Variants in BCKDHB observed in about 807,000 individuals in gnomAD.
BCKDHB encodes branched chain keto acid dehydrogenase E1 subunit beta.
A neutral mutation model predicts 48.5 loss-of-function variants in BCKDHB; 41 were observed. The observed-to-expected ratio is 0.85, with a 90% confidence interval of 0.66 to 1.10. The LOEUF (loss-of-function observed/expected upper bound fraction) is 1.10, where lower values mean the gene tolerates loss of function less well. Ranked by LOEUF, BCKDHB falls within the 50% of genes least tolerant of loss-of-function variation. BCKDHB has a pLI of 0.00. For synonymous variants in BCKDHB, 201 were observed against 174.8 expected, an observed-to-expected ratio of 1.15 and a Z score of -1.18; for missense variants, 496 against 494.2, an observed-to-expected ratio of 1.00 and a Z score of -0.03.
chr6:80,232,309 G>C (rs76102095), intron 8 of BCKDHB, among the ~76,000 whole-genome samples: 49,507 of 150,908 alleles, frequency 0.33, 8,711 homozygotes, highest in Non-Finnish European at 0.41. Flanking sequence ...CTTCTGATTG[G>C]GAAACCAGAG....
At chr6:80,423,509 C>T in the BCKDHB span, among the ~76,000 whole-genome samples, 1 of 152,166 alleles carries the variant, frequency 6.6e-6, no homozygotes, top group East Asian at 1.9e-4. Context: ...TTCCCCCTTC[C>T]CCACCCATTG....
intron 8 of BCKDHB, among the ~76,000 whole-genome samples, chr6:80,232,940 A>G (rs1775995544): frequency 6.6e-6 from 1 of 151,974 alleles, no homozygotes. Context: ...GTGAATGCAT[A>G]ATTTGCATAG....
intron 9 of BCKDHB, among the ~76,000 whole-genome samples, chr6:80,287,394 T>A (rs2127980863): frequency 6.6e-6 from 1 of 150,724 alleles, no homozygotes; most frequent in Non-Finnish European, 1.5e-5. Context: ...TTTTTCTAAA[T>A]CAAATTTAGG....
intron 9 of BCKDHB, among the ~76,000 whole-genome samples, chr6:80,319,737 T>C (rs1768618522): frequency 6.6e-6 from 1 of 152,244 alleles, no homozygotes; most frequent in African/African-American, 2.4e-5. Flanking sequence ...TGTTCTCTTC[T>C]GTAAATTATG....
intron 8 of BCKDHB, among the ~76,000 whole-genome samples, chr6:80,242,936 C>T (rs1431975477): frequency 6.6e-6 from 1 of 152,138 alleles, no homozygotes; most frequent in Non-Finnish European, 1.5e-5. Flanking sequence ...GTTCAGATTG[C>T]CATCAGTAGG....
rs531372322 is a variant in BCKDHB, at chr6:80,310,174, T to A, written c.1039-33490T>A. Reference sequence around the variant, plus strand: ...CATAGGTAAACATCTGTCCTGGTGGTTTGCTACACAGATCATCCCATCACC... The same window carrying A: ...CATAGGTAAACATCTGTCCTGGTGGATTGCTACACAGATCATCCCATCACC... On this transcript the variant is annotated intron_variant, in intron 9 of 9. Transcript: ENST00000320393. Among the ~76,000 whole-genome samples the A allele has an allele frequency of 4.6e-5, 7 of 152,246 alleles. 1 individual carries two copies. The South Asian group carries it at 1.5e-3, about 32-fold the overall frequency.
intron 6 of BCKDHB, among the ~76,000 whole-genome samples, chr6:80,173,036 G>C (rs948802939): frequency 6.6e-6 from 1 of 152,104 alleles, no homozygotes; most frequent in Admixed American, 6.6e-5. Context: ...ATGCCAGCCA[G>C]CTGTTATAGC....
At chr6:80,436,282 C>T in the BCKDHB span, among the ~76,000 whole-genome samples, 6 of 150,520 alleles carry the variant, frequency 4.0e-5, no homozygotes, top group African/African-American at 7.3e-5. Flanking sequence ...TCTCAGCCTC[C>T]GGAGTAGCTG....
At chr6:80,142,553 CAT>C (rs1457146047) in intron 3 of BCKDHB, among the ~76,000 whole-genome samples, 2 of 151,990 alleles carry the variant, frequency 1.3e-5, no homozygotes, top group South Asian at 4.1e-4. Context: ...GGAATAAAAA[CAT>C]ATAAAAATAA....
At chr6:80,408,690 A>G in the BCKDHB span, among the ~76,000 whole-genome samples, 1 of 149,412 alleles carries the variant, frequency 6.7e-6, no homozygotes, top group Non-Finnish European at 1.5e-5. Flanking sequence ...TTTCTGTGGG[A>G]TTGGTGGTGA....
intron 7 of BCKDHB, among the ~76,000 whole-genome samples, 187 bp from the exon 8 acceptor site, chr6:80,202,915 G>A (rs1386166571): frequency 2.0e-5 from 3 of 151,836 alleles, no homozygotes; most frequent in Admixed American, 6.6e-5. Context: ...CTGTTTTCTA[G>A]ACATCTATAC....
At chr6:80,156,315 A>G (rs753186999) in intron 3 of BCKDHB, among the ~76,000 whole-genome samples, 1 of 152,022 alleles carries the variant, frequency 6.6e-6, no homozygotes, top group Non-Finnish European at 1.5e-5. Flanking sequence ...GTGAAGGCCA[A>G]CTACTTCATA....
intron 9 of BCKDHB, among the ~76,000 whole-genome samples, chr6:80,313,727 T>A (rs955765363): frequency 1.3e-5 from 2 of 152,188 alleles, no homozygotes; most frequent in Admixed American, 1.3e-4. Context: ...TTGTTGATGT[T>A]TTGAAGGGTT....
intron 6 of BCKDHB, among the ~76,000 whole-genome samples, chr6:80,182,828 A>C (rs903607698): frequency 6.6e-6 from 1 of 152,156 alleles, no homozygotes; most frequent in Non-Finnish European, 1.5e-5. Flanking sequence ...AAATAATACA[A>C]ATAAGAGCAT....
At chr6:80,388,648 A>T in the BCKDHB span, among the ~76,000 whole-genome samples, 20 of 152,300 alleles carry the variant, frequency 1.3e-4, no homozygotes, top group African/African-American at 4.1e-4. Flanking sequence ...GAAGTGGCTC[A>T]AATGCCCATG....
downstream of BCKDHB, among the ~76,000 whole-genome samples, chr6:80,348,939 A>C (rs1305888649): frequency 1.3e-5 from 2 of 152,246 alleles, no homozygotes; most frequent in African/African-American, 4.8e-5. Context: ...GTTGGAAATA[A>C]AACAGTAACA....
At chr6:80,307,648 A>G in intron 9 of BCKDHB, 1 of 975,730 alleles carries the variant, frequency 1.0e-6, no homozygotes, top group African/African-American at 1.8e-5. Context: ...ATTATAGAAA[A>G]TGTAAAAAAA....
intron 8 of BCKDHB, among the ~76,000 whole-genome samples, chr6:80,272,679 G>T (rs1777797586): frequency 6.6e-6 from 1 of 152,106 alleles, no homozygotes; most frequent in East Asian, 1.9e-4. Flanking sequence ...CTTTGCTATA[G>T]CTTTCACATA....
chr6:80,217,082 A>T lies in BCKDHB; in HGVS notation c.951+13870A>T, dbSNP rs1160777743. ...ACATGGTGAAACCCCACCTCTACTAAAAATACAAAAATTGCTGGGCATGGT... is the reference window on the plus strand; with the variant it reads ...ACATGGTGAAACCCCACCTCTACTATAAATACAAAAATTGCTGGGCATGGT... On this transcript the variant is annotated intron_variant, in intron 8 of 9. Transcript: ENST00000320393. Among the ~76,000 whole-genome samples, 4 of 152,094 alleles carry T rather than the reference A, an allele frequency of 2.6e-5. No individual in the cohort carries two copies. In the East Asian group the frequency reaches 7.7e-4, roughly 29 times the overall value.
Sources: gnomAD v4.1 joint callset for allele counts (sites outside exome capture counted in the v4.1 genomes callset) on GRCh38, gnomAD v4.1.1 for gene constraint, MANE v1.5 for transcripts, NCBI Gene and HGNC (gene_info 2026-07-23, HGNC 2026-07-21) for gene names.